RBFOX1: variants seen among roughly 807,000 people sequenced by gnomAD.
RBFOX1 encodes the protein RNA binding fox-1 homolog 1.
RBFOX1 carries 8 observed loss-of-function variants against 57.7 expected under a neutral mutation model. The observed-to-expected ratio is 0.14, with a 90% CI of 0.08 to 0.25. RBFOX1 has a LOEUF of 0.25. RBFOX1 is among the 10% of genes least tolerant of loss of function. The pLI is 1.00. For synonymous variants in RBFOX1, 326 were observed against 222.4 expected, an observed-to-expected ratio of 1.47 and a Z score of -4.15; for missense variants, 611 against 548.5, an observed-to-expected ratio of 1.11 and a Z score of -1.14.
rs1037304613 is a variant in RBFOX1, at chr16:5,701,935, A to G, written c.318+102974A>G. On this transcript the variant is annotated intron_variant, in intron 3 of 19. Coordinates refer to the RBFOX1 transcript ENST00000641259. ...AATTCTTCCACACAGTATAAACTCT[A>G]GGAGAATGGAGACCTCTGTCTTGTT... Among the ~76,000 whole-genome samples the G allele has an allele frequency of 3.7e-4, 57 of 152,340 alleles. 1 individual carries two copies. Among genetic ancestry groups the G allele is most frequent in the Admixed American group, 4.6e-4 (7 of 15,304 alleles).
chr16:5,909,819 C>A (rs61692546), intron 4 of RBFOX1, among the ~76,000 whole-genome samples: 8,278 of 152,076 alleles, frequency 0.054, 286 homozygotes, highest in African/African-American at 0.076. Flanking sequence ...TGGGAGACCG[C>A]GGCGGGCAGA....
chr16:5,794,381 T>C (rs1480635644), intron 3 of RBFOX1, among the ~76,000 whole-genome samples: 4 of 152,162 alleles, frequency 2.6e-5, no homozygotes, highest in Non-Finnish European at 5.9e-5. Context: ...ATCATTGCCT[T>C]CATCTCATTA....
intron 3 of RBFOX1, among the ~76,000 whole-genome samples, chr16:6,905,828 A>G (rs926004424): frequency 2.6e-5 from 4 of 152,188 alleles, no homozygotes; most frequent in African/African-American, 9.7e-5. Flanking sequence ...GCACGGTGGT[A>G]TTAGTGGCTG....
At chr16:7,528,806 G>C (rs924121055) in intron 5 of RBFOX1, among the ~76,000 whole-genome samples, 4 of 152,176 alleles carry the variant, frequency 2.6e-5, no homozygotes, top group African/African-American at 4.8e-5. Flanking sequence ...TGCAATTTTT[G>C]AATTCAAGGC....
chr16:5,990,350 G>A (rs2060370803), intron 4 of RBFOX1, among the ~76,000 whole-genome samples: 1 of 152,112 alleles, frequency 6.6e-6, no homozygotes, highest in African/African-American at 2.4e-5. Context: ...GCTGGCCTTG[G>A]GCAATGAACT....
At chr16:7,561,324 C>T (rs777841955) in intron 5 of RBFOX1, among the ~76,000 whole-genome samples, 19 of 152,158 alleles carry the variant, frequency 1.2e-4, no homozygotes, top group Non-Finnish European at 2.2e-4. Context: ...CACTCTATGG[C>T]CCTTTAAAGA....
intron 3 of RBFOX1, among the ~76,000 whole-genome samples, chr16:7,043,745 T>C (rs192471598): frequency 6.6e-6 from 1 of 152,360 alleles, no homozygotes; most frequent in African/African-American, 2.4e-5. Context: ...CTTCTGTTTC[T>C]TTGGACTCCT....
At chr16:6,483,404 A>T in intron 2 of RBFOX1, 1 of 1,534,004 alleles carries the variant, frequency 6.5e-7, no homozygotes, top group Admixed American at 2.0e-5. Context: ...GGAGTCATTT[A>T]CATTGCTAGC....
At chr16:6,540,840 G>A (rs959860093) in intron 2 of RBFOX1, among the ~76,000 whole-genome samples, 4 of 152,002 alleles carry the variant, frequency 2.6e-5, no homozygotes, top group Non-Finnish European at 5.9e-5. Flanking sequence ...ACTACCAGTG[G>A]ATTACTTTAT....
chr16:5,288,077 G>T (rs1330349237), intron 1 of RBFOX1, among the ~76,000 whole-genome samples: 1 of 152,190 alleles, frequency 6.6e-6, no homozygotes, highest in Non-Finnish European at 1.5e-5. Context: ...GTGTACGGCC[G>T]ACTCCACATT....
intron 4 of RBFOX1, among the ~76,000 whole-genome samples, chr16:7,452,376 G>T (rs114747347): frequency 6.6e-6 from 1 of 152,166 alleles, no homozygotes; most frequent in Non-Finnish European, 1.5e-5. Context: ...AACAACACAC[G>T]GTGCCTGGTG....
chr16:5,484,974 G>C (rs2069675226), intron 2 of RBFOX1, among the ~76,000 whole-genome samples: 1 of 151,976 alleles, frequency 6.6e-6, no homozygotes, highest in Non-Finnish European at 1.5e-5. Context: ...CAAGAGGATT[G>C]CTTGAGTCTA....
intron 4 of RBFOX1, among the ~76,000 whole-genome samples, chr16:7,322,312 A>G (rs904761740): frequency 2.0e-5 from 3 of 152,230 alleles, no homozygotes; most frequent in Admixed American, 2.0e-4. Flanking sequence ...CCTTCTTGCC[A>G]CCTTGAAAAC....
chr16:5,761,426 A>G (rs1483092092), intron 3 of RBFOX1, among the ~76,000 whole-genome samples: 1 of 152,222 alleles, frequency 6.6e-6, no homozygotes, highest in Non-Finnish European at 1.5e-5. Context: ...TTCTGCTAAT[A>G]AAGACATACC....
chr16:6,319,600 T>C lies in RBFOX1; in HGVS notation c.-64+2543T>C, dbSNP rs1487505796. Among the ~76,000 whole-genome samples the C allele has an allele frequency of 2.6e-5, 4 of 152,302 alleles. No homozygotes were observed. The East Asian group carries it at 7.7e-4, about 29-fold the overall frequency. ...GGTTGGTTTCTATTCCCCAATACTC[T>C]TCTTCAAAGCTTTCACTTCTACTTT... On this transcript the variant is annotated intron_variant, in intron 2 of 15. Transcript: ENST00000550418.
intron 2 of RBFOX1, among the ~76,000 whole-genome samples, chr16:5,494,547 C>G (rs2042938181): frequency 6.6e-6 from 1 of 152,134 alleles, no homozygotes; most frequent in Non-Finnish European, 1.5e-5. Context: ...TGAGGGAGGT[C>G]TTGGAGCAAG....
At chr16:6,310,764 G>A (rs961105044) in intron 1 of RBFOX1, among the ~76,000 whole-genome samples, 3 of 152,154 alleles carry the variant, frequency 2.0e-5, no homozygotes, top group African/African-American at 7.2e-5. Flanking sequence ...TGTAGAGACA[G>A]ATGTCTACAA....
At chr16:6,533,355 G>T (rs181829960) in intron 2 of RBFOX1, among the ~76,000 whole-genome samples, 209 of 152,280 alleles carry the variant, frequency 1.4e-3, no homozygotes, top group African/African-American at 4.8e-3. Context: ...TAGACAAAAG[G>T]GATGAAGGTA....
chr16:5,781,916 C>G (rs929146880), intron 3 of RBFOX1, among the ~76,000 whole-genome samples: 12 of 152,208 alleles, frequency 7.9e-5, no homozygotes, highest in Non-Finnish European at 1.6e-4. Flanking sequence ...TTATAAAGAA[C>G]AGGAACAGGC....
Sources: allele counts gnomAD v4.1 joint callset (sites outside exome capture counted in the v4.1 genomes callset), GRCh38; gene constraint gnomAD v4.1.1; transcripts MANE v1.5; gene names NCBI Gene and HGNC (gene_info 2026-07-23, HGNC 2026-07-21).